CLSTN2: variants seen among roughly 807,000 people sequenced by gnomAD.
The protein encoded by CLSTN2 is calsyntenin-2.
A neutral mutation model predicts 101.2 loss-of-function variants in CLSTN2; 48 were observed. The observed-to-expected ratio is 0.47, with a 90% CI of 0.38 to 0.60. The LOEUF (loss-of-function observed/expected upper bound fraction) is 0.60. CLSTN2 is among the 20% of genes least tolerant of loss of function. The probability of loss-of-function intolerance (pLI) is 0.00; values close to 1 mark genes in which losing one functional copy is unlikely to be tolerated. For synonymous variants in CLSTN2, 481 were observed against 463.6 expected (o/e 1.04, Z -0.48); for missense variants, 1,160 against 1,238.2 (o/e 0.94, Z 0.95).
chr3:140,228,312 T>C (rs992203286), intron 2 of CLSTN2, among the ~76,000 whole-genome samples: 2 of 152,200 alleles, frequency 1.3e-5, no homozygotes, highest in Non-Finnish European at 2.9e-5. Flanking sequence ...CACCAGTCTC[T>C]TTGCTAAAAC....
intron 1 of CLSTN2, among the ~76,000 whole-genome samples, chr3:140,141,258 C>T (rs933113976): frequency 2.1e-4 from 32 of 152,212 alleles, no homozygotes; most frequent in Non-Finnish European, 2.9e-5. Context: ...CTAAATCCTG[C>T]CTCATGACTA....
chr3:140,427,215 ATATATATATGTGTG>A (rs1160726981), intron 5 of CLSTN2, among the ~76,000 whole-genome samples: 28 of 77,022 alleles, frequency 3.6e-4, no homozygotes, highest in African/African-American at 1.8e-3. Context: ...GTGTATATAT[ATATATATATGTGTG>A]TATATATATA....
intron 7 of CLSTN2, among the ~76,000 whole-genome samples, chr3:140,466,038 G>A (rs1052906096): frequency 1.3e-5 from 2 of 152,150 alleles, no homozygotes; most frequent in African/African-American, 2.4e-5. Flanking sequence ...AGGGGATGTT[G>A]GAGTCACAAA....
chr3:139,950,948 T>A (rs1386162941), intron 1 of CLSTN2, among the ~76,000 whole-genome samples: 1 of 152,218 alleles, frequency 6.6e-6, no homozygotes, highest in Non-Finnish European at 1.5e-5. Flanking sequence ...ATGGACATAT[T>A]GTGGCGATGT....
At chr3:140,434,241 C>G (rs1230646125) in intron 5 of CLSTN2, among the ~76,000 whole-genome samples, 1 of 152,148 alleles carries the variant, frequency 6.6e-6, no homozygotes, top group African/African-American at 2.4e-5. Flanking sequence ...TGGAGAGCCA[C>G]GAGCTGGCCG....
chr3:140,139,512 C>T (rs906861763), intron 1 of CLSTN2, among the ~76,000 whole-genome samples: 20 of 152,134 alleles, frequency 1.3e-4, no homozygotes, highest in African/African-American at 4.6e-4. Flanking sequence ...TTTAAAAACT[C>T]TTCCTTCCTG....
At chr3:140,162,328 G>C (rs1178632811) in intron 1 of CLSTN2, among the ~76,000 whole-genome samples, 1 of 152,138 alleles carries the variant, frequency 6.6e-6, no homozygotes, top group African/African-American at 2.4e-5. Flanking sequence ...GTATAGAAAA[G>C]GTACAAAATG....
intron 1 of CLSTN2, among the ~76,000 whole-genome samples, chr3:140,140,111 A>G (rs1175674584): frequency 6.6e-6 from 1 of 152,178 alleles, no homozygotes; most frequent in African/African-American, 2.4e-5. Context: ...GATAATGTGC[A>G]TTTGTAGCAA....
In CLSTN2 at chr3:140,228,626, G is replaced by T. The variant is rs541451286; in HGVS notation, c.232+52553G>T. Among the ~76,000 whole-genome samples the T allele has an allele frequency of 1.3e-3, 194 of 152,312 alleles. 4 individuals are homozygous for T. In the South Asian group the frequency reaches 0.039, roughly 31 times the overall value. On this transcript the variant is annotated intron_variant, in intron 2 of 16. Transcript: ENST00000458420. The stretch of plus-strand genomic sequence containing the variant: ...AGTTCATTTTCATGCTGCTGATAAA[G>T]ATATACCAGAGACTGGGCAATTTAC...
chr3:140,330,626 T>C (rs2087373997), intron 2 of CLSTN2, among the ~76,000 whole-genome samples: 1 of 152,166 alleles, frequency 6.6e-6, no homozygotes, highest in African/African-American at 2.4e-5. Flanking sequence ...CAGGCTCTGC[T>C]TACAGGGGAA....
chr3:139,990,307 G>A (rs1274383576), intron 1 of CLSTN2, among the ~76,000 whole-genome samples: 1 of 152,190 alleles, frequency 6.6e-6, no homozygotes, highest in Non-Finnish European at 1.5e-5. Context: ...TGATATGCTG[G>A]ATGGTGGCGT....
intron 2 of CLSTN2, among the ~76,000 whole-genome samples, chr3:140,346,825 G>A (rs1212657758): frequency 1.3e-5 from 2 of 152,134 alleles, no homozygotes; most frequent in African/African-American, 4.8e-5. Context: ...AAGTGTATGT[G>A]GTTCTTGGTA....
At position 140,130,722 on chromosome 3, in the gene CLSTN2, AAGGGTCCTGGAGGCCTTCTC is replaced by A. The variant is rs1395559206; in HGVS notation, c.110-45224_110-45205del. On this transcript the variant is annotated intron_variant, in intron 1 of 16. Coordinates refer to ENST00000458420, the MANE Select transcript of CLSTN2 (RefSeq NM_022131.3). Reference sequence around the variant, plus strand: ...AGGATGAGGCTCCTGACCCAGCCTGAAGGGTCCTGGAGGCCTTCTCAGGGGAAGAAAGAGGTGGCTATGTT... The same window carrying A: ...AGGATGAGGCTCCTGACCCAGCCTGAAGGGGAAGAAAGAGGTGGCTATGTT... Among the ~76,000 whole-genome samples the A allele has an allele frequency of 9.8e-5, 15 of 152,288 alleles. No homozygotes were observed. In the East Asian group the frequency reaches 2.9e-3, roughly 29 times the overall value.
chr3:140,027,430 G>A (rs74900697), intron 1 of CLSTN2, among the ~76,000 whole-genome samples: 1,565 of 152,246 alleles, frequency 0.01, 25 homozygotes, highest in African/African-American at 0.034. Context: ...AGCTCCACCA[G>A]AAGCTAGAAG....
chr3:140,509,946 T>C (rs563130984), intron 8 of CLSTN2, among the ~76,000 whole-genome samples: 1 of 152,344 alleles, frequency 6.6e-6, no homozygotes, highest in Admixed American at 6.5e-5. Context: ...CATCGTAAGT[T>C]GAAAATACCA....
chr3:140,397,928 A>G (rs1411738484), intron 2 of CLSTN2, among the ~76,000 whole-genome samples: 1 of 106,502 alleles, frequency 9.4e-6, no homozygotes, highest in Non-Finnish European at 2.3e-5. Context: ...TCATTATACA[A>G]TATCAAAAGT....
chr3:140,067,886 A>G (rs1560085028), intron 1 of CLSTN2, among the ~76,000 whole-genome samples: 1 of 152,166 alleles, frequency 6.6e-6, no homozygotes, highest in African/African-American at 2.4e-5. Context: ...AATGTGCATT[A>G]GGTTACTGTC....
At chr3:140,108,984 G>A (rs1448806435) in intron 1 of CLSTN2, among the ~76,000 whole-genome samples, 2 of 152,188 alleles carry the variant, frequency 1.3e-5, no homozygotes, top group Non-Finnish European at 2.9e-5. Context: ...ATAGGAAGGT[G>A]TGCCTCAGAA....
intron 2 of CLSTN2, among the ~76,000 whole-genome samples, chr3:140,349,672 T>A (rs941303288): frequency 2.0e-5 from 3 of 152,172 alleles, no homozygotes; most frequent in Admixed American, 2.0e-4. Flanking sequence ...CTCAGACATT[T>A]GAAAGTTCAG....
Sources: allele counts gnomAD v4.1 joint callset (sites outside exome capture counted in the v4.1 genomes callset), GRCh38; gene constraint gnomAD v4.1.1; transcripts MANE v1.5; gene names NCBI Gene and HGNC (gene_info 2026-07-23, HGNC 2026-07-21).